Variants in NTRK2 observed in about 807,000 individuals in gnomAD.
NTRK2 encodes the protein BDNF/NT-3 growth factors receptor.
Under a neutral mutation model 94.5 loss-of-function variants are expected in NTRK2, and 13 were observed. That is an observed-to-expected ratio of 0.14 (90% confidence interval 0.09 to 0.22). The LOEUF is 0.22. Among genes scored for constraint, NTRK2 ranks in the 10% least tolerant of loss-of-function variants. The probability of loss-of-function intolerance (pLI) is 1.00; values close to 1 mark genes in which losing one functional copy is unlikely to be tolerated. For missense variants in NTRK2, 639 were observed against 1,071.2 expected, an observed-to-expected ratio of 0.60 and a Z score of 5.63; for synonymous variants, 372 against 407.4, an observed-to-expected ratio of 0.91 and a Z score of 1.05.
chr9:85,003,818 G>A (rs1449020128), intron 17 of NTRK2, among the ~76,000 whole-genome samples: 1 of 151,182 alleles, frequency 6.6e-6, no homozygotes, highest in Non-Finnish European at 1.5e-5. Context: ...AAGATGGGGG[G>A]AATGGGGTGC....
At position 84,888,611 on chromosome 9, in the gene NTRK2, C is replaced by CAAAAAAAAA. The variant is rs71369158; in HGVS notation, c.1633+21210_1633+21218dup. On this transcript the variant is annotated intron_variant, in intron 14 of 18. Transcript: ENST00000277120. The stretch of plus-strand genomic sequence containing the variant: ...CTGGCGACAGAGCAACACTCCATCT[C>CAAAAAAAAA]AAAAAAAAAAAAAAAAAAAAAAAAA... 7.4e-4 allele frequency among the ~76,000 whole-genome samples: 25 copies of CAAAAAAAAA among 33,846 alleles called. 6 individuals are homozygous for CAAAAAAAAA. Among genetic ancestry groups the CAAAAAAAAA allele is most frequent in the Non-Finnish European group, 8.8e-4 (19 of 21,618 alleles). The allele number at this position is 33,846 out of a possible 152,430, so 22.2% of individuals were successfully genotyped here. A position where few individuals can be genotyped will look rare whatever the true frequency, so the allele number is the denominator to read the frequency against.
chr9:84,777,282 C>A (rs550365503), intron 12 of NTRK2, among the ~76,000 whole-genome samples: 3 of 152,218 alleles, frequency 2.0e-5, no homozygotes, highest in Non-Finnish European at 4.4e-5. Context: ...GATGTGACAC[C>A]GTTCAGAGAA....
At chr9:84,698,908 A>G (rs1453181674) in intron 2 of NTRK2, among the ~76,000 whole-genome samples, 4 of 152,158 alleles carry the variant, frequency 2.6e-5, no homozygotes, top group Admixed American at 2.6e-4. Context: ...AGTGGTAGCT[A>G]AGGAGAGTTT....
At chr9:84,712,713 C>A (rs1253882582) in intron 6 of NTRK2, among the ~76,000 whole-genome samples, 1 of 152,062 alleles carries the variant, frequency 6.6e-6, no homozygotes, top group African/African-American at 2.4e-5. Flanking sequence ...TGTCTTGTTG[C>A]AAAAGTAATT....
At position 84,723,691 on chromosome 9, in the gene NTRK2, C is replaced by T. The variant is rs2062230113; in HGVS notation, c.702C>T (p.Asn234=). 6.2e-7 allele frequency: 1 copy of T among 1,613,940 alleles called. No homozygotes were observed. The highest frequency in any genetic ancestry group is 8.5e-7 in the Non-Finnish European group (1 of 1,179,946). Residue 234 remains asparagine, a synonymous_variant, in exon 7 of 19, where the codon AAC becomes AAT. Coordinates refer to ENST00000277120, the MANE Select transcript of NTRK2 (RefSeq NM_006180.6). ...CTAATATGTATTGGGATGTTGGTAA[C>T]CTGGTTTCCAAACATATGGTAAGGC... The part of the protein sequence containing the change: ...PVPNMYWDVG[N]LVSKHMNETS...
At chr9:84,973,140 A>C (rs1018552463) in intron 17 of NTRK2, among the ~76,000 whole-genome samples, 2 of 152,236 alleles carry the variant, frequency 1.3e-5, no homozygotes, top group African/African-American at 4.8e-5. Flanking sequence ...CAGCTTCTCC[A>C]TGTCACAGAG....
At chr9:84,731,764 G>C (rs1422305583) in intron 9 of NTRK2, among the ~76,000 whole-genome samples, 1 of 152,080 alleles carries the variant, frequency 6.6e-6, no homozygotes, top group Non-Finnish European at 1.5e-5. Flanking sequence ...GTCACAGCGT[G>C]TGAGGATGTG....
At chr9:84,813,791 G>C in intron 12 of NTRK2, 1 of 1,065,978 alleles carries the variant, frequency 9.4e-7, no homozygotes, top group Non-Finnish European at 1.1e-6. Context: ...TCTTGGCCCA[G>C]TCAGGTGCTG....
chr9:84,677,595 T>G (rs2059138181), intron 2 of NTRK2, among the ~76,000 whole-genome samples: 2 of 152,158 alleles, frequency 1.3e-5, no homozygotes, highest in African/African-American at 4.8e-5. Context: ...GTGAGGTTTA[T>G]TAGTTTGCCT....
Position 84,724,208 on chromosome 9 carries a change from GTTAA to G in NTRK2, c.721-13_721-10del. The G allele has an allele frequency of 1.2e-6, 2 of 1,614,040 alleles. No homozygotes were observed. Among genetic ancestry groups the G allele is most frequent in the Non-Finnish European group, 1.7e-6 (2 of 1,179,906 alleles). Reference sequence around the variant, plus strand: ...ATCCTAATCAAGGTTATTTTTGTCTGTTAATTCATTTGTAGAATGAAACAAGCCA... The same window carrying G: ...ATCCTAATCAAGGTTATTTTTGTCTGTTCATTTGTAGAATGAAACAAGCCA... On this transcript the variant is annotated splice_polypyrimidine_tract_variant and intron_variant, in intron 7 of 18. Transcript: ENST00000277120.
rs2068669901 is a variant in NTRK2 at position 84,790,999 on chromosome 9, A to G, written c.1396+38914A>G. On this transcript the variant is annotated intron_variant, in intron 12 of 18. Transcript: ENST00000277120. The stretch of plus-strand genomic sequence containing the variant: ...GTGGGCTTGCCTAGTAGTTCACATC[A>G]TATTCTGTTTGTTCACTTTTGTATT... Among the ~76,000 whole-genome samples, 4 of 152,334 alleles carry G rather than the reference A, an allele frequency of 2.6e-5. No individual in the cohort carries two copies. In the South Asian group the frequency reaches 8.3e-4, roughly 32 times the overall value.
intron 12 of NTRK2, chr9:84,814,089 TC>T (rs2072111708): frequency 9.4e-7 from 1 of 1,065,324 alleles, no homozygotes; most frequent in Non-Finnish European, 1.1e-6. Flanking sequence ...TCTCCCAGTC[TC>T]CCAGCAGGGA....
chr9:84,859,587 G>A (rs1239729545), intron 12 of NTRK2, among the ~76,000 whole-genome samples: 2 of 152,122 alleles, frequency 1.3e-5, no homozygotes, highest in East Asian at 3.8e-4. Flanking sequence ...GAGGGACCAT[G>A]ATCACATTGC....
chr9:84,723,210 A>G (rs951803496), intron 6 of NTRK2, among the ~76,000 whole-genome samples: 1 of 152,248 alleles, frequency 6.6e-6, no homozygotes, highest in Non-Finnish European at 1.5e-5. Context: ...AATAAAAGAC[A>G]TGATGTCAGT....
chr9:84,968,288 A>T (rs1825791674), intron 17 of NTRK2, among the ~76,000 whole-genome samples: 1 of 152,078 alleles, frequency 6.6e-6, no homozygotes, highest in South Asian at 2.1e-4. Flanking sequence ...TGGCTCCTCT[A>T]GTCTTCTCCC....
intron 14 of NTRK2, among the ~76,000 whole-genome samples, chr9:84,931,597 C>T (rs1236077972): frequency 6.6e-6 from 1 of 151,642 alleles, no homozygotes; most frequent in Non-Finnish European, 1.5e-5. Context: ...GGAAAAACTG[C>T]TTTAATCAAT....
At chr9:84,855,401 C>T (rs1178997698) in intron 12 of NTRK2, among the ~76,000 whole-genome samples, 2 of 152,096 alleles carry the variant, frequency 1.3e-5, no homozygotes, top group African/African-American at 2.4e-5. Flanking sequence ...GTCTTCGTCT[C>T]TGTGGGTATT....
chr9:84,886,239 C>A (rs2076409671), intron 14 of NTRK2, among the ~76,000 whole-genome samples: 1 of 152,146 alleles, frequency 6.6e-6, no homozygotes, highest in Non-Finnish European at 1.5e-5. Context: ...AAGAAATTCA[C>A]CCAAAGAGGA....
At chr9:84,722,253 G>A (rs1432463771) in intron 6 of NTRK2, among the ~76,000 whole-genome samples, 1 of 150,826 alleles carries the variant, frequency 6.6e-6, no homozygotes, top group Non-Finnish European at 1.5e-5. Flanking sequence ...TTGGAAGGGG[G>A]GGTCTCACTA....
Sources: allele counts gnomAD v4.1 joint callset (sites outside exome capture counted in the v4.1 genomes callset), GRCh38; gene constraint gnomAD v4.1.1; transcripts MANE v1.5; gene names NCBI Gene and HGNC (gene_info 2026-07-23, HGNC 2026-07-21).